LDB2: variants seen among roughly 807,000 people sequenced by gnomAD.
LDB2 encodes the protein LIM domain-binding protein 2.
Under a neutral mutation model 44.3 loss-of-function variants are expected in LDB2, and 12 were observed. The observed-to-expected ratio is 0.27, with a 90% CI of 0.17 to 0.44. The LOEUF (loss-of-function observed/expected upper bound fraction) is 0.44, where lower values mean the gene tolerates loss of function less well. LDB2 is among the 20% of genes least tolerant of loss of function. LDB2 has a pLI of 1.00. For synonymous variants in LDB2, 164 were observed against 174.8 expected, an observed-to-expected ratio of 0.94 and a Z score of 0.49; for missense variants, 344 against 473.5, an observed-to-expected ratio of 0.73 and a Z score of 2.54.
intron 6 of LDB2, 95 bp downstream of exon 6, chr4:16,511,886 A>T: frequency 7.2e-7 from 1 of 1,387,558 alleles, no homozygotes; most frequent in Non-Finnish European, 9.8e-7. Flanking sequence ...TGTCCTGATA[A>T]ATTAATGATC....
chr4:16,650,667 A>G (rs1738023829), intron 2 of LDB2, among the ~76,000 whole-genome samples: 1 of 152,222 alleles, frequency 6.6e-6, no homozygotes, highest in Non-Finnish European at 1.5e-5. Flanking sequence ...TCTTCCTTGT[A>G]GCACTGGACT....
intron 5 of LDB2, among the ~76,000 whole-genome samples, chr4:16,585,315 G>C (rs1254922435): frequency 6.6e-6 from 1 of 152,136 alleles, no homozygotes; most frequent in East Asian, 1.9e-4. Context: ...CACCACAATG[G>C]CAGGGGTGTT....
chr4:16,871,618 T>TCTC (rs1716614761), intron 1 of LDB2, among the ~76,000 whole-genome samples: 2 of 48,846 alleles, frequency 4.1e-5, no homozygotes, highest in South Asian at 1.3e-3. Flanking sequence ...AAAACCACTC[T>TCTC]TTCTTTTTTT....
At chr4:16,678,527 T>C (rs1383742556) in intron 2 of LDB2, among the ~76,000 whole-genome samples, 1 of 152,114 alleles carries the variant, frequency 6.6e-6, no homozygotes, top group Admixed American at 6.5e-5. Flanking sequence ...GGATTCTAAG[T>C]GGAGTGAGCT....
At chr4:16,871,856 A>G (rs13114111) in intron 1 of LDB2, among the ~76,000 whole-genome samples, 37,721 of 152,010 alleles carry the variant, frequency 0.25, 5,518 homozygotes, top group East Asian at 0.69. Context: ...TCCTGACCGC[A>G]GATGATCCGC....
intron 2 of LDB2, among the ~76,000 whole-genome samples, chr4:16,652,555 C>A (rs867511393): frequency 6.6e-6 from 1 of 152,078 alleles, no homozygotes; most frequent in Non-Finnish European, 1.5e-5. Flanking sequence ...GGGGTAAAGG[C>A]GGGGCTGTCC....
intron 1 of LDB2, among the ~76,000 whole-genome samples, chr4:16,888,109 C>T (rs1722285525): frequency 6.6e-6 from 1 of 152,166 alleles, no homozygotes; most frequent in South Asian, 2.1e-4. Context: ...GGCTTCTGAC[C>T]AGTGCTGACC....
chr4:16,506,207 A>G (rs920960985), intron 7 of LDB2: 33 of 457,952 alleles, frequency 7.2e-5, no homozygotes, highest in Non-Finnish European at 1.0e-4. Context: ...AAGTCATCCA[A>G]CGCTTATCAT....
At chr4:16,620,558 A>T (rs548422949) in intron 2 of LDB2, among the ~76,000 whole-genome samples, 2 of 152,302 alleles carry the variant, frequency 1.3e-5, no homozygotes, top group South Asian at 4.1e-4. Flanking sequence ...CATTAAGGTG[A>T]TACTTCTCGC....
intron 5 of LDB2, among the ~76,000 whole-genome samples, chr4:16,530,130 T>C (rs931687727): frequency 6.6e-6 from 1 of 152,178 alleles, no homozygotes; most frequent in Non-Finnish European, 1.5e-5. Context: ...CCTAATATTA[T>C]AGAACTTTGA....
intron 2 of LDB2, among the ~76,000 whole-genome samples, chr4:16,638,815 C>T (rs1010720328): frequency 6.6e-6 from 1 of 151,794 alleles, no homozygotes; most frequent in Non-Finnish European, 1.5e-5. Context: ...AACAAGGGCA[C>T]AGATTGATAC....
intron 1 of LDB2, among the ~76,000 whole-genome samples, chr4:16,763,607 A>C (rs1768482565): frequency 6.6e-6 from 1 of 152,184 alleles, no homozygotes; most frequent in African/African-American, 2.4e-5. Flanking sequence ...CTGTATATGA[A>C]GGAAGCTTAT....
intron 1 of LDB2, among the ~76,000 whole-genome samples, chr4:16,841,653 T>C (rs1480296074): frequency 1.3e-5 from 2 of 152,210 alleles, no homozygotes; most frequent in Non-Finnish European, 2.9e-5. Flanking sequence ...CTTTTCTCCT[T>C]CTTTGAGATA....
chr4:16,703,426 T>C (rs1753930592), intron 2 of LDB2, among the ~76,000 whole-genome samples: 1 of 152,314 alleles, frequency 6.6e-6, no homozygotes, highest in Non-Finnish European at 1.5e-5. Flanking sequence ...ATGTGGTTTA[T>C]GGACATGCCA....
chr4:16,801,233 T>A (rs990437973), intron 1 of LDB2, among the ~76,000 whole-genome samples: 2 of 152,204 alleles, frequency 1.3e-5, no homozygotes, highest in Admixed American at 6.5e-5. Flanking sequence ...CTTAAGCCCC[T>A]GGGCTTCATG....
At chr4:16,827,446 C>A (rs1158327351) in intron 1 of LDB2, among the ~76,000 whole-genome samples, 1 of 149,456 alleles carries the variant, frequency 6.7e-6, no homozygotes, top group African/African-American at 2.4e-5. Context: ...AGCTAAAAAA[C>A]CAAACCAAAA....
intron 5 of LDB2, among the ~76,000 whole-genome samples, chr4:16,579,966 G>A (rs1713673960): frequency 1.3e-5 from 2 of 152,152 alleles, no homozygotes; most frequent in Admixed American, 1.3e-4. Context: ...AGAGCACTGG[G>A]GAGAGGCTCC....
intron 1 of LDB2, among the ~76,000 whole-genome samples, chr4:16,818,968 T>G (rs1383619550): frequency 6.6e-6 from 1 of 152,170 alleles, no homozygotes; most frequent in Non-Finnish European, 1.5e-5. Context: ...GAATGTGACT[T>G]GAAATCAGTG....
intron 1 of LDB2, among the ~76,000 whole-genome samples, chr4:16,815,456 C>T (rs1780721039): frequency 1.3e-5 from 2 of 152,188 alleles, no homozygotes; most frequent in African/African-American, 4.8e-5. Context: ...AGAGTAAATC[C>T]AAGACACTTC....
Sources: allele counts gnomAD v4.1 joint callset (sites outside exome capture counted in the v4.1 genomes callset), GRCh38; gene constraint gnomAD v4.1.1; transcripts MANE v1.5; gene names NCBI Gene and HGNC (gene_info 2026-07-23, HGNC 2026-07-21).